ARHGEF6: variants seen among roughly 807,000 people sequenced by gnomAD.
ARHGEF6 encodes the protein rho guanine nucleotide exchange factor 6.
ARHGEF6 carries 9 observed loss-of-function variants against 70.3 expected under a neutral mutation model. The ratio of observed to expected loss-of-function variants is 0.13; its 90% CI spans 0.08 to 0.22. The LOEUF (loss-of-function observed/expected upper bound fraction) is 0.22. ARHGEF6 is among the 10% of genes least tolerant of loss of function. The probability of loss-of-function intolerance (pLI) is 1.00; values close to 1 mark genes in which losing one functional copy is unlikely to be tolerated. For synonymous variants in ARHGEF6, 201 were observed against 207.8 expected (o/e 0.97, Z 0.28); for missense variants, 470 against 563.0 (o/e 0.83, Z 1.67).
At chrX:136,770,775 T>C (rs765043176) in intron 2 of ARHGEF6, among the ~76,000 whole-genome samples, 170 of 112,569 alleles carry the variant, frequency 1.5e-3, no homozygotes, top group Non-Finnish European at 2.7e-3. Flanking sequence ...GACAGGTGGA[T>C]CACTTGAGCT....
intron 1 of ARHGEF6, among the ~76,000 whole-genome samples, 176 bp downstream of exon 1, chrX:136,780,542 C>T (rs2077439225): frequency 8.9e-6 from 1 of 111,864 alleles, no homozygotes; most frequent in South Asian, 3.7e-4. Context: ...TAAAGAATAA[C>T]GTTTCATTTT....
At chrX:136,677,321 C>T (rs113277100) in intron 17 of ARHGEF6, among the ~76,000 whole-genome samples, 14 of 112,075 alleles carry the variant, frequency 1.2e-4, no homozygotes, top group African/African-American at 4.5e-4. Flanking sequence ...TTAGAAGTAA[C>T]ACACCCACAG....
chrX:136,765,934 T>A (rs1381827750), intron 2 of ARHGEF6, among the ~76,000 whole-genome samples: 3 of 112,604 alleles, frequency 2.7e-5, no homozygotes, highest in Non-Finnish European at 5.6e-5. Flanking sequence ...TTTACTTTGT[T>A]CAAAACTCCA....
chrX:136,683,802 G>T (rs766362918), intron 12 of ARHGEF6, among the ~76,000 whole-genome samples: 1 of 111,247 alleles, frequency 9.0e-6, no homozygotes, highest in Non-Finnish European at 1.9e-5. Flanking sequence ...AACCCTTCCA[G>T]GCTAACTATT....
At chrX:136,672,942 A>G (rs5975767) in intron 19 of ARHGEF6, among the ~76,000 whole-genome samples, 9,185 of 112,045 alleles carry the variant, frequency 0.082, 918 homozygotes, top group African/African-American at 0.28. Flanking sequence ...TTCTTGAGGT[A>G]AGATGTGTCT....
chrX:136,706,162 T>TCACAAAGCTAA (rs2076624682), intron 9 of ARHGEF6, among the ~76,000 whole-genome samples: 1 of 111,382 alleles, frequency 9.0e-6, no homozygotes, highest in African/African-American at 3.3e-5. Flanking sequence ...GTGTCAGGGG[T>TCACAAAGCTAA]GGGTAGTCAG....
At chrX:136,670,152 C>T (rs1341509883) in intron 20 of ARHGEF6, among the ~76,000 whole-genome samples, 1 of 111,901 alleles carries the variant, frequency 8.9e-6, no homozygotes. Flanking sequence ...TGCATATAAC[C>T]AATGCACATC....
intron 9 of ARHGEF6, among the ~76,000 whole-genome samples, chrX:136,698,078 A>G (rs1423615415): frequency 1.8e-5 from 2 of 112,416 alleles, no homozygotes; most frequent in Non-Finnish European, 1.9e-5. Flanking sequence ...AGAAAGAAGA[A>G]GAACCAAATG....
chrX:136,731,830 T>A (rs2076938136), intron 6 of ARHGEF6, among the ~76,000 whole-genome samples: 1 of 112,571 alleles, frequency 8.9e-6, no homozygotes, highest in African/African-American at 3.2e-5. Flanking sequence ...AATTCTTACA[T>A]ACTAGCCAAT....
intron 9 of ARHGEF6, among the ~76,000 whole-genome samples, chrX:136,691,364 C>T (rs1240885170): frequency 1.8e-5 from 2 of 111,625 alleles, no homozygotes; most frequent in African/African-American, 6.5e-5. Context: ...TTCCATAAGG[C>T]AGTAACTTGG....
intron 4 of ARHGEF6, among the ~76,000 whole-genome samples, chrX:136,744,141 C>CT (rs2077072069): frequency 9.0e-6 from 1 of 111,460 alleles, no homozygotes; most frequent in Non-Finnish European, 1.9e-5. Flanking sequence ...CACCCTGCCT[C>CT]TACTCAACAC....
At chrX:136,670,061 C>T (rs1323834242) in intron 20 of ARHGEF6, among the ~76,000 whole-genome samples, 2 of 111,575 alleles carry the variant, frequency 1.8e-5, no homozygotes. Flanking sequence ...CCTCGGTATC[C>T]ATGGGGTATT....
At chrX:136,747,372 T>C in intron 3 of ARHGEF6, 136 bp downstream of exon 3, 1 of 531,644 alleles carries the variant, frequency 1.9e-6, no homozygotes, top group Admixed American at 2.7e-5. Context: ...TGACATTTGT[T>C]GGGGTGTATT....
chrX:136,678,083 G>A, intron 16 of ARHGEF6, 127 bp from the exon 17 acceptor site: 2 of 606,518 alleles, frequency 3.3e-6, no homozygotes, highest in East Asian at 3.3e-5. Flanking sequence ...TTACACAGAG[G>A]GAATATAATC....
intron 2 of ARHGEF6, among the ~76,000 whole-genome samples, chrX:136,773,537 A>G (rs1187815678): frequency 1.8e-5 from 2 of 112,228 alleles, no homozygotes; most frequent in African/African-American, 6.5e-5. Flanking sequence ...GAGTGCCTCA[A>G]TATGGCTCCT....
At chrX:136,687,418 C>T (rs2076415025) in intron 11 of ARHGEF6, among the ~76,000 whole-genome samples, 1 of 112,405 alleles carries the variant, frequency 8.9e-6, no homozygotes, top group Admixed American at 9.4e-5. Context: ...AACCATCATA[C>T]TGAAGATACA....
intron 2 of ARHGEF6, among the ~76,000 whole-genome samples, chrX:136,777,444 A>G (rs1256947825): frequency 9.0e-6 from 1 of 110,501 alleles, no homozygotes. Flanking sequence ...AAAAAATATT[A>G]GATGTTGGCA....
chrX:136,677,865 C>T, intron 17 of ARHGEF6, 71 bp downstream of exon 17: 31 of 927,468 alleles, frequency 3.3e-5, no homozygotes, highest in Non-Finnish European at 4.7e-5. Flanking sequence ...TAAGGGAAAG[C>T]TTCATTCATC....
intron 2 of ARHGEF6, among the ~76,000 whole-genome samples, chrX:136,772,211 A>G (rs2077368319): frequency 8.9e-6 from 1 of 111,961 alleles, no homozygotes; most frequent in Non-Finnish European, 1.9e-5. Context: ...AAAAATAAAA[A>G]CAATTGAACT....
Sources: gnomAD v4.1 joint callset for allele counts (sites outside exome capture counted in the v4.1 genomes callset) on GRCh38, gnomAD v4.1.1 for gene constraint, MANE v1.5 for transcripts, NCBI Gene and HGNC (gene_info 2026-07-23, HGNC 2026-07-21) for gene names.